Variants in TMEM108 observed in about 807,000 individuals in gnomAD.
TMEM108 encodes the protein cancer/testis antigen 124.
In TMEM108, 12 loss-of-function variants were observed where a neutral mutation model predicts 35.1. The ratio of observed to expected loss-of-function variants is 0.34; its 90% CI spans 0.22 to 0.55. The LOEUF (loss-of-function observed/expected upper bound fraction) is 0.55. Among genes scored for constraint, TMEM108 ranks in the 20% least tolerant of loss-of-function variants. The probability of loss-of-function intolerance (pLI) is 0.89; values close to 1 mark genes in which losing one functional copy is unlikely to be tolerated. For missense variants in TMEM108, 680 were observed against 753.3 expected, an observed-to-expected ratio of 0.90 and a Z score of 1.14; for synonymous variants, 287 against 308.6, an observed-to-expected ratio of 0.93 and a Z score of 0.73.
chr3:133,265,391 T>G (rs1576421193), intron 3 of TMEM108, among the ~76,000 whole-genome samples: 1 of 152,200 alleles, frequency 6.6e-6, no homozygotes, highest in African/African-American at 2.4e-5. Context: ...GGGTTGAATG[T>G]GATCACTGTA....
At chr3:133,106,146 G>A (rs1944148704) in intron 2 of TMEM108, among the ~76,000 whole-genome samples, 1 of 151,384 alleles carries the variant, frequency 6.6e-6, no homozygotes, top group Admixed American at 6.6e-5. Flanking sequence ...TATAAGAGGA[G>A]GCTGGGACTT....
At chr3:133,392,588 C>T (rs1239905147) in intron 5 of TMEM108, among the ~76,000 whole-genome samples, 1 of 152,128 alleles carries the variant, frequency 6.6e-6, no homozygotes, top group African/African-American at 2.4e-5. Flanking sequence ...CTACCTGCTG[C>T]ACATGTCTAA....
At chr3:133,387,889 C>G in intron 4 of TMEM108, 4 of 985,456 alleles carry the variant, frequency 4.1e-6, no homozygotes, top group South Asian at 4.7e-5. Flanking sequence ...CACTTTGATT[C>G]TGTTTGCTTA....
chr3:133,129,353 C>A (rs1026314217), intron 2 of TMEM108, among the ~76,000 whole-genome samples: 1 of 134,160 alleles, frequency 7.5e-6, no homozygotes, highest in Non-Finnish European at 1.6e-5. Flanking sequence ...CCCACACCCC[C>A]CCCCCCAAAA....
At chr3:133,348,574 T>G (rs1011024505) in intron 3 of TMEM108, among the ~76,000 whole-genome samples, 6 of 152,170 alleles carry the variant, frequency 3.9e-5, no homozygotes, top group African/African-American at 9.6e-5. Flanking sequence ...GCTGGGGAGC[T>G]GGGCTAGCCC....
chr3:133,260,546 T>A (rs180987866), intron 3 of TMEM108, among the ~76,000 whole-genome samples: 1 of 152,242 alleles, frequency 6.6e-6, no homozygotes, highest in East Asian at 1.9e-4. Context: ...GAGGGCCAAT[T>A]GTGGTCAGAG....
chr3:133,145,031 CTT>C (rs1944697029), intron 2 of TMEM108, among the ~76,000 whole-genome samples: 1 of 152,162 alleles, frequency 6.6e-6, no homozygotes, highest in South Asian at 2.1e-4. Flanking sequence ...GTCACAAAGT[CTT>C]TGCCCATGCC....
intron 4 of TMEM108, 86 bp downstream of exon 4, chr3:133,381,247 C>A: frequency 7.1e-7 from 1 of 1,401,574 alleles, no homozygotes; most frequent in Non-Finnish European, 9.6e-7. Context: ...GATTTGGCAT[C>A]CTTGCCAAGT....
intron 3 of TMEM108, among the ~76,000 whole-genome samples, chr3:133,344,245 C>A (rs1576475365): frequency 6.6e-6 from 1 of 151,762 alleles, no homozygotes; most frequent in East Asian, 1.9e-4. Flanking sequence ...AAACAAAAAT[C>A]TCACAGCTAT....
intron 5 of TMEM108, among the ~76,000 whole-genome samples, chr3:133,392,045 C>T (rs1412084442): frequency 6.6e-6 from 1 of 152,184 alleles, no homozygotes; most frequent in Non-Finnish European, 1.5e-5. Context: ...CCTGCCTTCT[C>T]AGGCTCTCCC....
At chr3:133,374,765 A>G (rs1297874923) in intron 3 of TMEM108, among the ~76,000 whole-genome samples, 1 of 152,204 alleles carries the variant, frequency 6.6e-6, no homozygotes, top group Non-Finnish European at 1.5e-5. Context: ...AGAACACCAA[A>G]TATGTCATAC....
chr3:133,143,556 T>C (rs970707441), intron 2 of TMEM108, among the ~76,000 whole-genome samples: 1 of 152,234 alleles, frequency 6.6e-6, no homozygotes, highest in Non-Finnish European at 1.5e-5. Flanking sequence ...CCTTTGCCTT[T>C]TATTATTGCC....
chr3:133,082,719 A>G (rs1010318630), intron 2 of TMEM108, among the ~76,000 whole-genome samples: 1 of 152,088 alleles, frequency 6.6e-6, no homozygotes, highest in African/African-American at 2.4e-5. Context: ...TGGTGTAATC[A>G]TAGCTCACTG....
intron 2 of TMEM108, among the ~76,000 whole-genome samples, chr3:133,168,968 C>T (rs1333674421): frequency 2.6e-5 from 4 of 152,120 alleles, no homozygotes; most frequent in Non-Finnish European, 5.9e-5. Context: ...AGCGAGACCA[C>T]GAACCCACCA....
chr3:133,324,104 ACATTGGCTTAGG>A (rs1425992681), intron 3 of TMEM108, among the ~76,000 whole-genome samples: 7 of 152,228 alleles, frequency 4.6e-5, no homozygotes, highest in African/African-American at 1.7e-4. Flanking sequence ...ACTCTTCCAT[ACATTGGCTTAGG>A]CAAAGAGTTC....
At chr3:133,143,987 C>CATTTTATTTTATTTTATTTTATTTTAT (rs1944677984) in intron 2 of TMEM108, among the ~76,000 whole-genome samples, 1 of 113,500 alleles carries the variant, frequency 8.8e-6, no homozygotes, top group African/African-American at 3.9e-5. Flanking sequence ...TTTTATTTTG[C>CATTTTATTTTATTTTATTTTATTTTAT]TTTGCTTTAA....
At chr3:133,387,272 A>C (rs1391950182) in intron 4 of TMEM108, 1 of 985,354 alleles carries the variant, frequency 1.0e-6, no homozygotes, top group African/African-American at 1.7e-5. Context: ...TATGAAGTTC[A>C]TCTTAAGTGA....
At chr3:133,265,240 T>G (rs1274981363) in intron 3 of TMEM108, among the ~76,000 whole-genome samples, 2 of 152,222 alleles carry the variant, frequency 1.3e-5, no homozygotes, top group Non-Finnish European at 2.9e-5. Flanking sequence ...ATTAACTTAC[T>G]TCCTCCAGAC....
At chr3:133,197,540 C>T (rs1945596501) in intron 2 of TMEM108, among the ~76,000 whole-genome samples, 2 of 152,136 alleles carry the variant, frequency 1.3e-5, no homozygotes, top group African/African-American at 2.4e-5. Context: ...TCTATTGGCT[C>T]CTAGGACTTG....
Sources: gnomAD v4.1 joint callset for allele counts (sites outside exome capture counted in the v4.1 genomes callset) on GRCh38, gnomAD v4.1.1 for gene constraint, MANE v1.5 for transcripts, NCBI Gene and HGNC (gene_info 2026-07-23, HGNC 2026-07-21) for gene names.